Variants in CSMD2 observed in about 807,000 individuals in gnomAD.
CSMD2 encodes CUB and sushi domain-containing protein 2.
CSMD2 carries 130 observed loss-of-function variants against 398.5 expected under a neutral mutation model. The observed-to-expected ratio is 0.33, with a 90% CI of 0.28 to 0.38. The LOEUF (loss-of-function observed/expected upper bound fraction) is 0.38. CSMD2 is among the 10% of genes least tolerant of loss of function. CSMD2 has a pLI of 1.00. For synonymous variants in CSMD2, 1,828 were observed against 1,908.5 expected, an observed-to-expected ratio of 0.96 and a Z score of 1.10; for missense variants, 3,829 against 4,764.9, an observed-to-expected ratio of 0.80 and a Z score of 5.78.
At chr1:33,717,024 C>T (rs182922830) in intron 19 of CSMD2, among the ~76,000 whole-genome samples, 9 of 152,062 alleles carry the variant, frequency 5.9e-5, no homozygotes, top group East Asian at 1.9e-4. Flanking sequence ...GATGGCTTCA[C>T]CAAGGAGTAA....
chr1:33,913,238 CCTCTT>C (rs1015348599), intron 5 of CSMD2, among the ~76,000 whole-genome samples: 2 of 152,158 alleles, frequency 1.3e-5, no homozygotes, highest in Admixed American at 6.5e-5. Flanking sequence ...ATCACTGTCC[CCTCTT>C]CTAACTTTTG....
At chr1:33,595,151 C>T (rs1200425777) in intron 44 of CSMD2, among the ~76,000 whole-genome samples, 1 of 152,220 alleles carries the variant, frequency 6.6e-6, no homozygotes. Context: ...TTCAGAATCA[C>T]ATGTTGCATT....
chr1:33,699,181 T>C (rs909551914), intron 23 of CSMD2, among the ~76,000 whole-genome samples: 2 of 152,220 alleles, frequency 1.3e-5, no homozygotes, highest in African/African-American at 2.4e-5. Flanking sequence ...TTTTCAGGCC[T>C]AAGGTCTGCA....
chr1:33,780,376 T>C (rs1054898785), intron 12 of CSMD2, among the ~76,000 whole-genome samples: 2 of 152,148 alleles, frequency 1.3e-5, no homozygotes, highest in South Asian at 4.1e-4. Context: ...AGACCCCACA[T>C]CTGTATGTGC....
chr1:33,728,349 T>C (rs1646609609), intron 15 of CSMD2, among the ~76,000 whole-genome samples: 1 of 152,086 alleles, frequency 6.6e-6, no homozygotes, highest in Non-Finnish European at 1.5e-5. Context: ...TTTTTAATGC[T>C]ATAACCTTCA....
At chr1:33,820,395 G>A in intron 8 of CSMD2, 74 bp downstream of exon 8, 2 of 963,450 alleles carry the variant, frequency 2.1e-6, no homozygotes, top group Non-Finnish European at 3.4e-6. Flanking sequence ...CTGCAGGAAG[G>A]CCAGCCCCTG....
intron 9 of CSMD2, among the ~76,000 whole-genome samples, chr1:33,811,502 T>C (rs1318314761): frequency 6.6e-6 from 1 of 152,128 alleles, no homozygotes; most frequent in Admixed American, 6.5e-5. Flanking sequence ...CTGACTCAGC[T>C]CAGTGCCAGG....
In CSMD2 at chr1:33,716,444, A is replaced by C; in HGVS notation, c.3059T>G (p.Ile1020Ser). ...CTGGGTGAAGCTGCCGTTCTCAGTGATGAGGAGGTAGTCATGGCCACTTTC... is the reference window on the plus strand; with the variant it reads ...CTGGGTGAAGCTGCCGTTCTCAGTGCTGAGGAGGTAGTCATGGCCACTTTC... ...HLESGHDYLL[I>S]TENGSFTQPL... The change falls in exon 20 of 71, where the codon ATC becomes AGC. Residue 1020 changes from isoleucine to serine, a missense_variant. Transcript: ENST00000373381. 6.2e-7 allele frequency: 1 copy of C among 1,613,976 alleles called. No individual in the cohort carries two copies. The highest frequency in any genetic ancestry group is 8.5e-7 in the Non-Finnish European group (1 of 1,180,012).
chr1:33,821,224 G>C (rs539663361), intron 7 of CSMD2, among the ~76,000 whole-genome samples: 2 of 152,324 alleles, frequency 1.3e-5, no homozygotes, highest in African/African-American at 4.8e-5. Flanking sequence ...GTGGTGCAAT[G>C]CTCTGACACT....
At chr1:33,634,073 T>A (rs369535772) in intron 31 of CSMD2, among the ~76,000 whole-genome samples, 190 of 152,266 alleles carry the variant, frequency 1.2e-3, no homozygotes, top group African/African-American at 4.5e-3. Flanking sequence ...GGGTAGCAGA[T>A]CAGATTGGAC....
chr1:33,751,494 G>T (rs945266749), intron 13 of CSMD2, among the ~76,000 whole-genome samples: 1 of 152,210 alleles, frequency 6.6e-6, no homozygotes, highest in African/African-American at 2.4e-5. Context: ...AGAATGGAGT[G>T]GGGTAACAGG....
intron 3 of CSMD2, among the ~76,000 whole-genome samples, chr1:34,030,919 A>T (rs1650329562): frequency 6.6e-6 from 1 of 152,122 alleles, no homozygotes; most frequent in East Asian, 1.9e-4. Context: ...CCCCAAGGCC[A>T]ACCTATTGTG....
At chr1:33,738,695 G>A (rs933276898) in intron 15 of CSMD2, among the ~76,000 whole-genome samples, 4 of 152,268 alleles carry the variant, frequency 2.6e-5, no homozygotes, top group Admixed American at 6.5e-5. Context: ...CACAAAGGCC[G>A]AGACTGGGAG....
chr1:34,043,652 G>C (rs1447265014), intron 2 of CSMD2, among the ~76,000 whole-genome samples: 1 of 152,184 alleles, frequency 6.6e-6, no homozygotes, highest in Admixed American at 6.5e-5. Context: ...AGGCCTGACT[G>C]CTATCCTTTG....
intron 2 of CSMD2, 54 bp from the exon 3 acceptor site, chr1:34,032,760 T>G: frequency 7.9e-7 from 1 of 1,262,620 alleles, no homozygotes; most frequent in Non-Finnish European, 1.1e-6. Flanking sequence ...AAACTACACA[T>G]CCACGAAGCA....
intron 1 of CSMD2, among the ~76,000 whole-genome samples, chr1:34,142,630 T>C (rs1207504144): frequency 6.6e-6 from 1 of 152,224 alleles, no homozygotes; most frequent in African/African-American, 2.4e-5. Flanking sequence ...AATGAAATAG[T>C]GTTCCACTCA....
chr1:33,628,540 A>C (rs1278757424), intron 32 of CSMD2, among the ~76,000 whole-genome samples: 3 of 151,960 alleles, frequency 2.0e-5, no homozygotes, highest in African/African-American at 7.3e-5. Flanking sequence ...ATGGTGGAGC[A>C]CACCTGGAGT....
In CSMD2 at chr1:34,027,744, C is replaced by A. The variant is rs143992250; in HGVS notation, c.517+4850G>T. Among the ~76,000 whole-genome samples the A allele has an allele frequency of 5.4e-3, 825 of 151,682 alleles. 3 individuals are homozygous for A. Among genetic ancestry groups the A allele is most frequent in the Admixed American group, 7.9e-3 (121 of 15,260 alleles). ...TACAGAATTGCACAGATAGCATAAT[C>A]CCAAGTGCACACGGATCCACACCTG... On this transcript the variant is annotated intron_variant, in intron 3 of 70. Transcript: ENST00000373381.
intron 5 of CSMD2, chr1:33,882,134 A>C (rs757815747): frequency 7.2e-5 from 11 of 152,212 alleles, no homozygotes; most frequent in Non-Finnish European, 1.3e-4. Flanking sequence ...CTTCCAAAAA[A>C]GTTGTGCCAT....
Sources: allele counts gnomAD v4.1 joint callset (sites outside exome capture counted in the v4.1 genomes callset), GRCh38; gene constraint gnomAD v4.1.1; transcripts MANE v1.5; gene names NCBI Gene and HGNC (gene_info 2026-07-23, HGNC 2026-07-21).